Variants in GALNT17 observed in about 807,000 individuals in gnomAD.
GALNT17 encodes the protein UDP-GalNAc:polypeptide N-acetylgalactosaminyltransferase-like 3.
In GALNT17, 29 loss-of-function variants were observed where a neutral mutation model predicts 63.7. The ratio of observed to expected loss-of-function variants is 0.46; its 90% CI spans 0.34 to 0.62. The LOEUF (loss-of-function observed/expected upper bound fraction) is 0.62, where lower values mean the gene tolerates loss of function less well. Among genes scored for constraint, GALNT17 ranks in the 20% least tolerant of loss-of-function variants. GALNT17 has a pLI of 0.01. For missense variants in GALNT17, 603 were observed against 799.6 expected, an observed-to-expected ratio of 0.75 and a Z score of 2.97; for synonymous variants, 305 against 318.3, an observed-to-expected ratio of 0.96 and a Z score of 0.45.
chr7:71,635,520 T>C (rs928864791), intron 6 of GALNT17, among the ~76,000 whole-genome samples: 1 of 152,192 alleles, frequency 6.6e-6, no homozygotes, highest in Non-Finnish European at 1.5e-5. Context: ...ATTATATTTG[T>C]ATGTATTTAT....
intron 3 of GALNT17, among the ~76,000 whole-genome samples, chr7:71,395,528 G>A (rs1229897358): frequency 6.6e-6 from 1 of 152,138 alleles, no homozygotes; most frequent in African/African-American, 2.4e-5. Flanking sequence ...GGGGCTATTA[G>A]GGATAATAGG....
intron 3 of GALNT17, among the ~76,000 whole-genome samples, chr7:71,410,149 G>A (rs933287006): frequency 6.6e-6 from 1 of 152,126 alleles, no homozygotes; most frequent in African/African-American, 2.4e-5. Context: ...AGGACAATAG[G>A]CACTAAGAAA....
intron 1 of GALNT17, among the ~76,000 whole-genome samples, chr7:71,320,943 G>A (rs4719110): frequency 0.55 from 83,868 of 151,980 alleles, 23,456 homozygotes; most frequent in Non-Finnish European, 0.6. Context: ...GGGAGAATTG[G>A]TGAAGGTTCG....
At chr7:71,397,080 A>C (rs1419331549) in intron 3 of GALNT17, among the ~76,000 whole-genome samples, 1 of 152,294 alleles carries the variant, frequency 6.6e-6, no homozygotes, top group African/African-American at 2.4e-5. Flanking sequence ...TTTACTTATT[A>C]CTTTCCAATC....
At chr7:71,245,882 C>G (rs1329764301) in intron 1 of GALNT17, among the ~76,000 whole-genome samples, 1 of 130,946 alleles carries the variant, frequency 7.6e-6, no homozygotes, top group Non-Finnish European at 1.7e-5. Context: ...TATCTTTGCA[C>G]TCCTACCCTG....
chr7:71,636,420 GA>G (rs1204971539), intron 6 of GALNT17, among the ~76,000 whole-genome samples: 1 of 152,196 alleles, frequency 6.6e-6, no homozygotes, highest in Non-Finnish European at 1.5e-5. Context: ...ACACATAGGG[GA>G]AGGGCCACAT....
At chr7:71,496,634 T>C (rs1349149799) in intron 5 of GALNT17, among the ~76,000 whole-genome samples, 1 of 152,096 alleles carries the variant, frequency 6.6e-6, no homozygotes, top group African/African-American at 2.4e-5. Context: ...AGGAAGGCAC[T>C]ACAGAAACAG....
At chr7:71,640,866 A>G (rs1366143985) in intron 6 of GALNT17, among the ~76,000 whole-genome samples, 1 of 151,980 alleles carries the variant, frequency 6.6e-6, no homozygotes, top group African/African-American at 2.4e-5. Context: ...AAACTAAACT[A>G]AAAACATTAT....
intron 4 of GALNT17, 52 bp downstream of exon 4, chr7:71,416,115 G>C (rs1290916898): frequency 1.9e-6 from 3 of 1,551,130 alleles, no homozygotes; most frequent in Non-Finnish European, 2.6e-6. Context: ...TTGTGGTTGA[G>C]AGGGGCTGGA....
chr7:71,238,482 C>T (rs1789936411), intron 1 of GALNT17, among the ~76,000 whole-genome samples: 1 of 152,126 alleles, frequency 6.6e-6, no homozygotes, highest in South Asian at 2.1e-4. Flanking sequence ...GCCTCAGCCT[C>T]CCAAAGTGTT....
chr7:71,532,504 A>G (rs1318997206), intron 5 of GALNT17, among the ~76,000 whole-genome samples: 1 of 152,202 alleles, frequency 6.6e-6, no homozygotes, highest in African/African-American at 2.4e-5. Flanking sequence ...TATGTCAGGC[A>G]GTTCTTAGGG....
chr7:71,286,739 G>A (rs73356016), intron 1 of GALNT17, among the ~76,000 whole-genome samples: 2 of 130,438 alleles, frequency 1.5e-5, no homozygotes, highest in East Asian at 2.1e-4. Flanking sequence ...CTCCTAGAGG[G>A]GCCTTGTTTT....
chr7:71,282,682 T>G (rs1790799011), intron 1 of GALNT17, among the ~76,000 whole-genome samples: 1 of 150,720 alleles, frequency 6.6e-6, no homozygotes, highest in Non-Finnish European at 1.5e-5. Context: ...AGGACTGGGG[T>G]CCATCTCAAG....
At chr7:71,428,587 C>T (rs1786803231) in intron 5 of GALNT17, among the ~76,000 whole-genome samples, 1 of 152,058 alleles carries the variant, frequency 6.6e-6, no homozygotes, top group East Asian at 1.9e-4. Flanking sequence ...TACAGGCATG[C>T]ACCACCATGC....
At chr7:71,175,114 A>ATTCATCCATCCATCAGTCTATCTG (rs1788612655) in intron 1 of GALNT17, among the ~76,000 whole-genome samples, 1 of 151,964 alleles carries the variant, frequency 6.6e-6, no homozygotes, top group Non-Finnish European at 1.5e-5. Flanking sequence ...CTGTCCGTCC[A>ATTCATCCATCCATCAGTCTATCTG]TTCATCCATC....
intron 5 of GALNT17, among the ~76,000 whole-genome samples, chr7:71,500,467 C>T (rs368590924): frequency 1.6e-4 from 25 of 152,296 alleles, no homozygotes; most frequent in Non-Finnish European, 2.5e-4. Flanking sequence ...GATGTTCCTT[C>T]TAACACACTG....
At chr7:71,697,217 G>A (rs1354496330) in intron 9 of GALNT17, among the ~76,000 whole-genome samples, 1 of 152,116 alleles carries the variant, frequency 6.6e-6, no homozygotes, top group African/African-American at 2.4e-5. Flanking sequence ...GAAGATTGAG[G>A]CAAGGAATGG....
intron 1 of GALNT17, among the ~76,000 whole-genome samples, chr7:71,317,937 AG>A (rs1791529972): frequency 6.6e-6 from 1 of 151,576 alleles, no homozygotes; most frequent in African/African-American, 2.4e-5. Flanking sequence ...GGGGTGGGAG[AG>A]GGGGACAGGT....
rs1793249800 is a variant in GALNT17 at position 71,402,017 on chromosome 7, G to A, written c.589+13616G>A. Among the ~76,000 whole-genome samples, 2 of 152,202 alleles carry A rather than the reference G, an allele frequency of 1.3e-5. 1 individual carries two copies. The highest frequency in any genetic ancestry group is 4.1e-4 in the South Asian group (2 of 4,830). On this transcript the variant is annotated intron_variant, in intron 3 of 10. Coordinates refer to ENST00000333538, the MANE Select transcript of GALNT17 (RefSeq NM_022479.3). ...CTAAAGCAATAGCATGGGGAGGAAA[G>A]AGAGGAATAAAATCCCAGCCCAAAC...
Sources: gnomAD v4.1 joint callset for allele counts (sites outside exome capture counted in the v4.1 genomes callset) on GRCh38, gnomAD v4.1.1 for gene constraint, MANE v1.5 for transcripts, NCBI Gene and HGNC (gene_info 2026-07-23, HGNC 2026-07-21) for gene names.